ISLR2: variants seen among roughly 807,000 people sequenced by gnomAD.
The protein encoded by ISLR2 is immunoglobulin superfamily containing leucine rich repeat 2, also known as immunoglobulin superfamily containing leucine-rich repeat protein 2.
A neutral mutation model predicts 25.5 loss-of-function variants in ISLR2; 16 were observed. The ratio of observed to expected loss-of-function variants is 0.63; its 90% confidence interval spans 0.43 to 0.95. The LOEUF (loss-of-function observed/expected upper bound fraction) is 0.95. Ranked by LOEUF, ISLR2 falls within the 40% of genes least tolerant of loss-of-function variation. The pLI, the probability that ISLR2 is intolerant of heterozygous loss-of-function variation, is 0.00. For missense variants in ISLR2, 883 were observed against 1,030.7 expected, an observed-to-expected ratio of 0.86 and a Z score of 1.96; for synonymous variants, 508 against 486.6, an observed-to-expected ratio of 1.04 and a Z score of -0.58.
intron 2 of ISLR2, among the ~76,000 whole-genome samples, chr15:74,122,154 A>G (rs1209708192): frequency 6.6e-6 from 1 of 152,218 alleles, no homozygotes; most frequent in Non-Finnish European, 1.5e-5. Flanking sequence ...CTGCCCAGAT[A>G]GGCTGGGGAC....
At chr15:74,116,163 C>G (rs2072208957) in intron 2 of ISLR2, among the ~76,000 whole-genome samples, 1 of 152,188 alleles carries the variant, frequency 6.6e-6, no homozygotes, top group Non-Finnish European at 1.5e-5. Flanking sequence ...TGCCACTGCA[C>G]TCCAGCCTGG....
At chr15:74,122,213 C>T (rs1175719319) in intron 2 of ISLR2, among the ~76,000 whole-genome samples, 2 of 152,254 alleles carry the variant, frequency 1.3e-5, no homozygotes, top group Non-Finnish European at 2.9e-5. Flanking sequence ...CTCTGTCTCC[C>T]TCCCAGTAAA....
chr15:74,110,472 T>G (rs751592889), intron 2 of ISLR2, among the ~76,000 whole-genome samples: 2 of 152,132 alleles, frequency 1.3e-5, no homozygotes, highest in Non-Finnish European at 2.9e-5. Context: ...TATCCCCCAA[T>G]AGGTGAATGG....
chr15:74,105,558 A>C (rs2072113214), intron 2 of ISLR2, among the ~76,000 whole-genome samples: 1 of 125,598 alleles, frequency 8.0e-6, no homozygotes, highest in Non-Finnish European at 1.7e-5. Context: ...CATAGTCTCC[A>C]CCTCACTTCA....
chr15:74,114,016 C>A (rs913988709), intron 2 of ISLR2, among the ~76,000 whole-genome samples: 15 of 152,362 alleles, frequency 9.8e-5, no homozygotes, highest in African/African-American at 3.1e-4. Context: ...CTCTGCCACA[C>A]ACATTTTAGC....
chr15:74,105,799 C>A (rs2072115080), intron 2 of ISLR2, among the ~76,000 whole-genome samples: 1 of 152,156 alleles, frequency 6.6e-6, no homozygotes, highest in African/African-American at 2.4e-5. Context: ...GCCCACTCCT[C>A]AGTTAACCCA....
downstream of ISLR2, among the ~76,000 whole-genome samples, chr15:74,140,403 G>T (rs1234968104): frequency 6.6e-6 from 1 of 152,194 alleles, no homozygotes; most frequent in Non-Finnish European, 1.5e-5. Flanking sequence ...AGAGGGAAAG[G>T]AGTGGCATCT....
chr15:74,139,162 T>C (rs544212793), downstream of ISLR2, among the ~76,000 whole-genome samples: 24 of 152,306 alleles, frequency 1.6e-4, no homozygotes, highest in South Asian at 5.0e-3. Context: ...CTAGACCTTG[T>C]GCCTTCTGGG....
intron 2 of ISLR2, among the ~76,000 whole-genome samples, chr15:74,108,045 G>A (rs1467909350): frequency 6.6e-6 from 1 of 152,196 alleles, no homozygotes; most frequent in Non-Finnish European, 1.5e-5. Flanking sequence ...AGAGGTTGGA[G>A]CTGGGAGGTG....
downstream of ISLR2, among the ~76,000 whole-genome samples, chr15:74,139,814 G>A (rs1212908944): frequency 6.6e-6 from 1 of 151,532 alleles, no homozygotes; most frequent in East Asian, 1.9e-4. Flanking sequence ...GTGTCTTGCT[G>A]TAAAACTTAT....
At chr15:74,116,179 T>C (rs1267467281) in intron 2 of ISLR2, among the ~76,000 whole-genome samples, 2 of 151,896 alleles carry the variant, frequency 1.3e-5, no homozygotes, top group Non-Finnish European at 1.5e-5. Flanking sequence ...CCTGGGCACA[T>C]AGTGAGACCT....
In ISLR2 at chr15:74,133,236, C is replaced by A; in HGVS notation, c.482C>A (p.Thr161Lys). Residue 161 changes from threonine to lysine, a missense_variant, in exon 3 of 3, where the codon ACG (threonine) becomes AAG (lysine). Transcript: ENST00000453268. ...CGCATCAACAACAACCGGCTGCGTA[C>A]GCTGGCGCCTGGCACCTTCGACGCG... is the stretch of plus-strand genomic sequence containing the variant. ...SLRINNNRLR[T>K]LAPGTFDALS... The A allele has an allele frequency of 6.2e-7, 1 of 1,612,576 alleles. No homozygotes were observed. Among genetic ancestry groups the A allele is most frequent in the Non-Finnish European group, 8.5e-7 (1 of 1,180,008 alleles).
intron 2 of ISLR2, among the ~76,000 whole-genome samples, chr15:74,131,746 C>T (rs974359602): frequency 6.6e-6 from 1 of 152,188 alleles, no homozygotes; most frequent in Non-Finnish European, 1.5e-5. Flanking sequence ...CTCTAGTGAC[C>T]GCTTTCCCAA....
chr15:74,100,944 A>G (rs2072079811), intron 1 of ISLR2, among the ~76,000 whole-genome samples: 1 of 141,460 alleles, frequency 7.1e-6, no homozygotes, highest in African/African-American at 2.6e-5. Context: ...GGTAGCTTTG[A>G]GCTAATGGGT....
Position 74,134,428 on chromosome 15 carries a change from G to T in ISLR2, c.1674G>T (p.Leu558=). 6.2e-7 allele frequency: 1 copy of T among 1,610,908 alleles called. No individual in the cohort carries two copies. The highest frequency in any genetic ancestry group is 1.1e-5 in the South Asian group (1 of 90,802). Reference sequence around the variant, plus strand: ...TCAACGCCTACTGGTTCCGCGGCCTGCGGCCGGGTACCAACTACTCCGTGT... The same window carrying T: ...TCAACGCCTACTGGTTCCGCGGCCTTCGGCCGGGTACCAACTACTCCGTGT... ...EGVNAYWFRG[L]RPGTNYSVCL... The change falls in exon 3 of 3, where the codon CTG becomes CTT. Residue 558 remains leucine, a synonymous_variant. Coordinates refer to ENST00000453268, the MANE Select transcript of ISLR2 (RefSeq NM_020851.3).
chr15:74,141,571 A>T (rs960482373), downstream of ISLR2, among the ~76,000 whole-genome samples: 10 of 152,228 alleles, frequency 6.6e-5, no homozygotes, highest in Non-Finnish European at 1.5e-4. Context: ...TAATAATACC[A>T]ATAGTGGCTA....
chr15:74,112,614 ACCT>A (rs1324230630), intron 2 of ISLR2, among the ~76,000 whole-genome samples: 4 of 146,278 alleles, frequency 2.7e-5, no homozygotes, highest in African/African-American at 1.0e-4. Flanking sequence ...TGCAACCTCC[ACCT>A]CCCAGGTTCA....
chr15:74,132,633 C>T lies in ISLR2; in HGVS notation c.-8-114C>T. 7.1e-7 allele frequency: 1 copy of T among 1,402,224 alleles called. No homozygotes were observed. The highest frequency in any genetic ancestry group is 9.4e-7 in the Non-Finnish European group (1 of 1,062,288). 86.9% of individuals were successfully genotyped at this position (1,402,224 alleles called of 1,614,324 possible). On this transcript the variant is annotated intron_variant, in intron 2 of 2. Coordinates refer to ENST00000453268, the MANE Select transcript of ISLR2 (RefSeq NM_020851.3). The surrounding 1 kb of genome is among the most constrained non-coding windows in gnomAD (Gnocchi z 4.3). ...AGGCTCCTGGCCATAGAGGAGGTTA[C>T]CGGAGCCCTGGAACTAGTGCTAAAC...
At position 74,135,172 on chromosome 15, in the gene ISLR2, C is replaced by T. The variant is rs1402861996; in HGVS notation, c.*180C>T. The T allele has an allele frequency of 1.4e-6, 1 of 701,388 alleles. No individual in the cohort carries two copies. The highest frequency in any genetic ancestry group is 2.7e-5 in the East Asian group (1 of 36,522). 43.4% of individuals were successfully genotyped at this position (701,388 alleles called of 1,614,324 possible). ...AGGGAGTGGGCCGATTTCACCAGTC[C>T]CTGCTACCCACGGCTGCCATTCTCC... On this transcript the variant is annotated 3_prime_UTR_variant, in exon 3 of 3. Coordinates refer to ENST00000453268, the MANE Select transcript of ISLR2 (RefSeq NM_020851.3).
Sources: gnomAD v4.1 joint callset for allele counts (sites outside exome capture counted in the v4.1 genomes callset) on GRCh38, gnomAD v4.1.1 for gene constraint, Gnocchi (gnomAD v3.1) non-coding constraint, MANE v1.5 for transcripts, NCBI Gene and HGNC (gene_info 2026-07-23, HGNC 2026-07-21) for gene names.